Variants in FUT9 observed in about 807,000 individuals in gnomAD.
FUT9 encodes the protein 4-galactosyl-N-acetylglucosaminide 3-alpha-L-fucosyltransferase 9.
A neutral mutation model predicts 29.7 loss-of-function variants in FUT9; 15 were observed. The ratio of observed to expected loss-of-function variants is 0.51; its 90% CI spans 0.34 to 0.78. FUT9 has a LOEUF of 0.78. Ranked by LOEUF, FUT9 falls within the 30% of genes least tolerant of loss-of-function variation. The pLI is 0.01. For synonymous variants in FUT9, 169 were observed against 153.7 expected (o/e 1.10, Z -0.74); for missense variants, 319 against 425.4 (o/e 0.75, Z 2.20).
At chr6:96,026,535 T>C (rs1312992102) in intron 1 of FUT9, among the ~76,000 whole-genome samples, 2 of 151,734 alleles carry the variant, frequency 1.3e-5, no homozygotes, top group African/African-American at 4.8e-5. Context: ...AATTATAATG[T>C]ATTGTAAATC....
At chr6:96,112,572 T>A (rs1460384934) in intron 1 of FUT9, among the ~76,000 whole-genome samples, 1 of 152,182 alleles carries the variant, frequency 6.6e-6, no homozygotes, top group Non-Finnish European at 1.5e-5. Context: ...TCAGATTGAA[T>A]TTTGTTTTAA....
chr6:96,165,684 C>T lies in FUT9; in HGVS notation c.-8-37464C>T, dbSNP rs1018916771. Among the ~76,000 whole-genome samples, 15 of 152,118 alleles carry T rather than the reference C, an allele frequency of 9.9e-5. No homozygotes were observed. In the East Asian group the frequency reaches 1.9e-3, roughly 20 times the overall value. ...AGGCTGGAATGCAGTGGCGTGATCT[C>T]GGCTCACTGCAACCTCCACCTCCCA... On this transcript the variant is annotated intron_variant, in intron 2 of 2. Transcript: ENST00000302103.
chr6:96,084,426 T>A (rs1359667108), intron 1 of FUT9, among the ~76,000 whole-genome samples: 1 of 152,090 alleles, frequency 6.6e-6, no homozygotes, highest in Non-Finnish European at 1.5e-5. Flanking sequence ...CCCAAATCAC[T>A]CTTGTCAATT....
At position 96,161,890 on chromosome 6, in the gene FUT9, C is replaced by G. The variant is rs112414675; in HGVS notation, c.-8-41258C>G. ...CTACTAGTGGATTTTGACTTCTTTC[C>G]TCTTTGTATTTCAGTTTGGGAAATT... On this transcript the variant is annotated intron_variant, in intron 2 of 2. Transcript: ENST00000302103. Among the ~76,000 whole-genome samples the G allele has an allele frequency of 1.7e-3, 265 of 152,264 alleles. 2 individuals are homozygous for G. Among genetic ancestry groups the G allele is most frequent in the African/African-American group, 6.1e-3 (254 of 41,558 alleles).
intron 2 of FUT9, among the ~76,000 whole-genome samples, chr6:96,122,062 G>T (rs1772038938): frequency 6.6e-6 from 1 of 152,092 alleles, no homozygotes; most frequent in African/African-American, 2.4e-5. Context: ...GTGATGGTCT[G>T]TGTTCAATAT....
At chr6:96,141,174 G>A (rs1286453662) in intron 2 of FUT9, among the ~76,000 whole-genome samples, 1 of 152,180 alleles carries the variant, frequency 6.6e-6, no homozygotes, top group South Asian at 2.1e-4. Context: ...TTAATGATAA[G>A]TTTCTTCTGA....
intron 1 of FUT9, among the ~76,000 whole-genome samples, chr6:96,073,578 T>A (rs968721347): frequency 2.0e-5 from 3 of 152,080 alleles, no homozygotes; most frequent in Non-Finnish European, 4.4e-5. Context: ...GGTCTAAATA[T>A]CAAGAGTGAG....
chr6:96,084,812 C>T (rs1418961570), intron 1 of FUT9, among the ~76,000 whole-genome samples: 1 of 152,130 alleles, frequency 6.6e-6, no homozygotes, highest in Admixed American at 6.6e-5. Flanking sequence ...TATGTCTTCA[C>T]TCTCCACAGA....
intron 1 of FUT9, among the ~76,000 whole-genome samples, chr6:96,081,019 A>C (rs181415126): frequency 5.8e-4 from 88 of 152,050 alleles, no homozygotes; most frequent in Non-Finnish European, 2.9e-5. Context: ...TCTTACCAGC[A>C]ATAACACCAA....
intron 1 of FUT9, among the ~76,000 whole-genome samples, chr6:96,078,272 TGCTCTG>T (rs1158717399): frequency 6.6e-6 from 1 of 152,014 alleles, no homozygotes; most frequent in Non-Finnish European, 1.5e-5. Flanking sequence ...GCTCTCTGGC[TGCTCTG>T]GCTTCATATA....
At chr6:96,201,983 G>GT (rs1347217528) in intron 2 of FUT9, among the ~76,000 whole-genome samples, 1 of 151,226 alleles carries the variant, frequency 6.6e-6, no homozygotes, top group African/African-American at 2.4e-5. Flanking sequence ...AATTTCTCCC[G>GT]TTTTTTGGAA....
chr6:96,040,710 G>A (rs1466943406), intron 1 of FUT9, among the ~76,000 whole-genome samples: 1 of 152,038 alleles, frequency 6.6e-6, no homozygotes, highest in Non-Finnish European at 1.5e-5. Context: ...TACCTGTTTT[G>A]GAGGTAGCAT....
At chr6:96,107,390 G>A (rs1229900478) in intron 1 of FUT9, among the ~76,000 whole-genome samples, 2 of 152,006 alleles carry the variant, frequency 1.3e-5, no homozygotes, top group African/African-American at 4.8e-5. Context: ...ACGATATACT[G>A]TCTCTCTATT....
Position 96,215,066 on chromosome 6 carries a change from T to C in FUT9, c.*10831T>C, listed in dbSNP as rs569730649. 9.6e-5 allele frequency: 16 copies of C among 167,140 alleles called. No homozygotes were observed. The East Asian group carries it at 1.5e-3, about 16-fold the overall frequency. The allele number at this position is 167,140 out of a possible 1,614,324, so 10.4% of individuals were successfully genotyped here. Reference sequence around the variant, plus strand: ...GTATGTGTGTGACATTCAGCTAACATTGATCTAGGCACTTAGTTTGCTACC... The same window carrying C: ...GTATGTGTGTGACATTCAGCTAACACTGATCTAGGCACTTAGTTTGCTACC... On this transcript the variant is annotated 3_prime_UTR_variant, in exon 3 of 3. Transcript: ENST00000302103.
At chr6:96,111,361 A>G (rs1771802826) in intron 1 of FUT9, among the ~76,000 whole-genome samples, 1 of 152,214 alleles carries the variant, frequency 6.6e-6, no homozygotes. Flanking sequence ...TTGGACACAA[A>G]TATAGGGAAT....
At chr6:96,167,494 T>C (rs1773035524) in intron 2 of FUT9, among the ~76,000 whole-genome samples, 1 of 152,156 alleles carries the variant, frequency 6.6e-6, no homozygotes, top group African/African-American at 2.4e-5. Context: ...ACCAAACTAA[T>C]TATTCATTCA....
chr6:96,169,105 C>T (rs902413383), intron 2 of FUT9, among the ~76,000 whole-genome samples: 1 of 152,088 alleles, frequency 6.6e-6, no homozygotes, highest in Non-Finnish European at 1.5e-5. Flanking sequence ...AGTACCAAGG[C>T]GCTGAAGGAG....
chr6:96,146,661 T>G (rs554744000), intron 2 of FUT9, among the ~76,000 whole-genome samples: 1 of 152,360 alleles, frequency 6.6e-6, no homozygotes, highest in East Asian at 1.9e-4. Flanking sequence ...GGCAAAGGGA[T>G]ATCTCCAAAT....
rs1773931751 is a variant in FUT9, at chr6:96,211,257, A to T, written c.*7022A>T. ...CTAAATATATATACCATTTCTTAAG[A>T]TAATTGGAACTCAAGCAGTCCTAAT... On this transcript the variant is annotated 3_prime_UTR_variant, in exon 3 of 3. Coordinates refer to ENST00000302103, the MANE Select transcript of FUT9 (RefSeq NM_006581.4). The T allele has an allele frequency of 6.0e-6, 1 of 166,702 alleles. No homozygotes were observed. Among genetic ancestry groups the T allele is most frequent in the African/African-American group, 2.4e-5 (1 of 41,428 alleles). The allele number at this position is 166,702 out of a possible 1,614,324, so 10.3% of individuals were successfully genotyped here. A position where few individuals can be genotyped will look rare whatever the true frequency, so the allele number is the denominator to read the frequency against.
Sources: gnomAD v4.1 joint callset for allele counts (sites outside exome capture counted in the v4.1 genomes callset) on GRCh38, gnomAD v4.1.1 for gene constraint, MANE v1.5 for transcripts, NCBI Gene and HGNC (gene_info 2026-07-23, HGNC 2026-07-21) for gene names.